Variants in RBFOX1 observed in about 807,000 individuals in gnomAD.
The protein encoded by RBFOX1 is RNA binding fox-1 homolog 1, also known as RNA binding protein fox-1 homolog 1.
A neutral mutation model predicts 57.7 loss-of-function variants in RBFOX1; 8 were observed. That is an observed-to-expected ratio of 0.14 (90% CI 0.08 to 0.25). RBFOX1 has a LOEUF of 0.25. Among genes scored for constraint, RBFOX1 ranks in the 10% least tolerant of loss-of-function variants. The probability of loss-of-function intolerance (pLI) is 1.00; values close to 1 mark genes in which losing one functional copy is unlikely to be tolerated. For synonymous variants in RBFOX1, 326 were observed against 222.4 expected (o/e 1.47, Z -4.15); for missense variants, 611 against 548.5 (o/e 1.11, Z -1.14).
intron 4 of RBFOX1, among the ~76,000 whole-genome samples, chr16:7,160,991 C>G (rs1039090236): frequency 2.0e-5 from 3 of 152,174 alleles, no homozygotes; most frequent in African/African-American, 7.2e-5. Flanking sequence ...AAGAAGCTAA[C>G]CCTTTATTTT....
At chr16:7,264,891 C>T (rs1213062227) in intron 4 of RBFOX1, among the ~76,000 whole-genome samples, 1 of 152,114 alleles carries the variant, frequency 6.6e-6, no homozygotes, top group African/African-American at 2.4e-5. Context: ...AGACATTTAC[C>T]CCCAGTCCAC....
intron 3 of RBFOX1, among the ~76,000 whole-genome samples, chr16:6,881,472 G>A (rs1227522633): frequency 1.3e-5 from 2 of 152,228 alleles, no homozygotes; most frequent in Admixed American, 1.3e-4. Flanking sequence ...CCTATCCGTG[G>A]CTTGTAGAGG....
intron 2 of RBFOX1, among the ~76,000 whole-genome samples, chr16:6,541,891 C>T (rs959245742): frequency 6.6e-6 from 1 of 152,026 alleles, no homozygotes; most frequent in Non-Finnish European, 1.5e-5. Flanking sequence ...TTACATCAGG[C>T]TCTGTGCAGC....
At chr16:6,083,166 T>A (rs886942490) in intron 1 of RBFOX1, among the ~76,000 whole-genome samples, 3 of 152,070 alleles carry the variant, frequency 2.0e-5, no homozygotes, top group Non-Finnish European at 4.4e-5. Context: ...CTTGCCCAGC[T>A]AAGTTTTTGT....
chr16:7,556,517 A>G (rs937783554), intron 5 of RBFOX1, among the ~76,000 whole-genome samples: 3 of 152,208 alleles, frequency 2.0e-5, no homozygotes, highest in African/African-American at 7.2e-5. Context: ...GCAACTCAGT[A>G]TGAAACTTTT....
At chr16:5,979,200 G>T (rs2060126792) in intron 4 of RBFOX1, among the ~76,000 whole-genome samples, 1 of 152,186 alleles carries the variant, frequency 6.6e-6, no homozygotes, top group African/African-American at 2.4e-5. Context: ...TGCTCACCTG[G>T]TTCTTGCAGT....
intron 2 of RBFOX1, among the ~76,000 whole-genome samples, chr16:5,537,791 C>A (rs4786040): frequency 6.6e-6 from 1 of 152,064 alleles, no homozygotes; most frequent in Non-Finnish European, 1.5e-5. Context: ...TTAGATTGAG[C>A]TCACTTGGAT....
chr16:6,730,107 G>A (rs2068164286), intron 3 of RBFOX1, among the ~76,000 whole-genome samples: 2 of 152,040 alleles, frequency 1.3e-5, no homozygotes, highest in Non-Finnish European at 2.9e-5. Context: ...CTCCACCTTG[G>A]CAATTCCTGC....
At chr16:7,213,536 C>A (rs932503378) in intron 4 of RBFOX1, among the ~76,000 whole-genome samples, 3 of 147,178 alleles carry the variant, frequency 2.0e-5, no homozygotes, top group African/African-American at 7.9e-5. Flanking sequence ...TTTCCTAATT[C>A]TCAAAGGGAT....
chr16:5,272,475 C>G (rs1353638163), intron 1 of RBFOX1, among the ~76,000 whole-genome samples: 1 of 152,208 alleles, frequency 6.6e-6, no homozygotes, highest in Non-Finnish European at 1.5e-5. Flanking sequence ...TGTTGAAGCC[C>G]TACCTGAGAT....
intron 1 of RBFOX1, among the ~76,000 whole-genome samples, chr16:6,263,335 G>T (rs1250156449): frequency 6.6e-6 from 1 of 152,074 alleles, no homozygotes; most frequent in African/African-American, 2.4e-5. Context: ...TCAAACTGTG[G>T]GGCCGGTGTG....
In RBFOX1 at chr16:5,906,853, A is replaced by C. The variant is rs1375908111; in HGVS notation, c.351+39518A>C. Among the ~76,000 whole-genome samples, 3 of 145,782 alleles carry C rather than the reference A, an allele frequency of 2.1e-5. No individual in the cohort carries two copies. In the Admixed American group the frequency reaches 2.1e-4, roughly 10 times the overall value. On this transcript the variant is annotated intron_variant, in intron 4 of 19. Transcript: ENST00000641259. ...GGGGTCAAGCAATTCTCTTGCCTCA[A>C]CCTCCTGAGTAACTAGGATTACAGG... is the stretch of plus-strand genomic sequence containing the variant.
intron 3 of RBFOX1, among the ~76,000 whole-genome samples, chr16:7,049,465 TA>T (rs140418765): frequency 0.054 from 7,991 of 148,692 alleles, 284 homozygotes; most frequent in Non-Finnish European, 0.078. Context: ...AGAACAGTAA[TA>T]AAAAAAAAAG....
chr16:5,444,993 A>G (rs2068198284), intron 1 of RBFOX1, among the ~76,000 whole-genome samples: 1 of 152,188 alleles, frequency 6.6e-6, no homozygotes, highest in African/African-American at 2.4e-5. Flanking sequence ...ACACCCTGTC[A>G]TCTTCCTCCT....
In RBFOX1 at chr16:6,903,846, G is replaced by T. The variant is rs2069091288; in HGVS notation, c.-15-148211G>T. On this transcript the variant is annotated intron_variant, in intron 3 of 15. Transcript: ENST00000550418. ...CCAACAGGCGGGCTGTAAAGGGAAT[G>T]CACGTCATTACTTGGAAAGGGTGGT... is the stretch of plus-strand genomic sequence containing the variant. Among the ~76,000 whole-genome samples the T allele has an allele frequency of 2.6e-5, 4 of 152,266 alleles. No homozygotes were observed. The South Asian group carries it at 8.3e-4, about 32-fold the overall frequency.
At chr16:7,079,956 G>T (rs1396941168) in intron 4 of RBFOX1, among the ~76,000 whole-genome samples, 1 of 150,114 alleles carries the variant, frequency 6.7e-6, no homozygotes, top group Non-Finnish European at 1.5e-5. Context: ...ACTTAATGCA[G>T]CTGAACTATG....
At chr16:7,333,234 G>T in intron 4 of RBFOX1, 1 of 704,352 alleles carries the variant, frequency 1.4e-6, no homozygotes, top group Non-Finnish European at 2.4e-6. Context: ...AAATCAAAAA[G>T]ATGGATCACC....
Position 7,595,619 on chromosome 16 carries a change from T to C in RBFOX1, c.539T>C (p.Val180Ala). Reference protein sequence around the residue: ...DRAREKLHGTVVEGRKIEVNN... With the variant: ...DRAREKLHGTAVEGRKIEVNN... ...GCGAGGGAGAAATTACACGGCACCG[T>C]GGTAGAGGGCCGTAAAATCGAGGTG... The change falls in exon 8 of 16, where the codon GTG becomes GCG. Residue 180 changes from valine to alanine, a missense_variant. By Grantham distance (64) the Val-to-Ala change is moderately conservative. Coordinates refer to ENST00000550418, the MANE Select transcript of RBFOX1 (RefSeq NM_018723.4). 6.3e-7 allele frequency: 1 copy of C among 1,583,524 alleles called. No homozygotes were observed. Among genetic ancestry groups the C allele is most frequent in the Non-Finnish European group, 8.6e-7 (1 of 1,163,310 alleles).
intron 3 of RBFOX1, among the ~76,000 whole-genome samples, chr16:5,781,232 A>G (rs1294848285): frequency 3.3e-5 from 5 of 152,192 alleles, no homozygotes; most frequent in Non-Finnish European, 7.3e-5. Flanking sequence ...GCAGGGAGGA[A>G]GGGTGCATCC....
Sources: gnomAD v4.1 joint callset for allele counts (sites outside exome capture counted in the v4.1 genomes callset) on GRCh38, gnomAD v4.1.1 for gene constraint, MANE v1.5 for transcripts, NCBI Gene and HGNC (gene_info 2026-07-23, HGNC 2026-07-21) for gene names.